FMN2: variants seen among roughly 807,000 people sequenced by gnomAD.
FMN2 encodes formin-2.
In FMN2, 51 loss-of-function variants were observed where a neutral mutation model predicts 142.3. That is an observed-to-expected ratio of 0.36 (90% CI 0.29 to 0.45). FMN2 has a LOEUF of 0.45. Ranked by LOEUF, FMN2 falls within the 20% of genes least tolerant of loss-of-function variation. FMN2 has a pLI of 1.00. For missense variants in FMN2, 1,936 were observed against 2,122.8 expected (o/e 0.91, Z 1.73); for synonymous variants, 882 against 869.8 (o/e 1.01, Z -0.25).
At chr1:240,323,351 C>T (rs553380613) in intron 8 of FMN2, among the ~76,000 whole-genome samples, 14 of 152,054 alleles carry the variant, frequency 9.2e-5, no homozygotes, top group Admixed American at 2.0e-4. Context: ...TCTGCCACCA[C>T]GCCCGGCTAA....
intron 7 of FMN2, among the ~76,000 whole-genome samples, chr1:240,293,391 A>G (rs1669857401): frequency 6.6e-6 from 1 of 152,136 alleles, no homozygotes; most frequent in African/African-American, 2.4e-5. Flanking sequence ...ATGAATTCCA[A>G]AATCAGAAAC....
At chr1:240,394,375 G>A (rs889215165) in intron 15 of FMN2, among the ~76,000 whole-genome samples, 11 of 152,106 alleles carry the variant, frequency 7.2e-5, no homozygotes, top group African/African-American at 2.4e-4. Flanking sequence ...TCCAGAGCAG[G>A]GCCCTAACTC....
intron 2 of FMN2, among the ~76,000 whole-genome samples, chr1:240,157,828 T>G (rs1016150116): frequency 6.6e-6 from 1 of 152,000 alleles, no homozygotes; most frequent in Non-Finnish European, 1.5e-5. Context: ...AAACTTGGAA[T>G]TTTTATAAAT....
chr1:240,378,592 T>C (rs1269234525), intron 14 of FMN2, among the ~76,000 whole-genome samples: 1 of 152,248 alleles, frequency 6.6e-6, no homozygotes, highest in Non-Finnish European at 1.5e-5. Flanking sequence ...ACTAAAATGA[T>C]ACATTATGCT....
chr1:240,464,994 T>C (rs1385652815), intron 16 of FMN2, among the ~76,000 whole-genome samples: 1 of 152,292 alleles, frequency 6.6e-6, no homozygotes, highest in East Asian at 1.9e-4. Context: ...TGTAAGTTTT[T>C]TTCCTTTGAG....
At chr1:240,163,922 G>T (rs1297432418) in intron 2 of FMN2, among the ~76,000 whole-genome samples, 2 of 151,810 alleles carry the variant, frequency 1.3e-5, no homozygotes, top group African/African-American at 4.8e-5. Context: ...ACCCATGGTG[G>T]AGTGCGGTGG....
At chr1:240,115,908 G>T (rs767495870) in intron 1 of FMN2, among the ~76,000 whole-genome samples, 1 of 152,182 alleles carries the variant, frequency 6.6e-6, no homozygotes, top group Non-Finnish European at 1.5e-5. Context: ...TGGATTACTC[G>T]TGAGTTTTTT....
chr1:240,114,202 G>C (rs1259170892), intron 1 of FMN2, among the ~76,000 whole-genome samples: 1 of 152,056 alleles, frequency 6.6e-6, no homozygotes, highest in Admixed American at 6.5e-5. Context: ...TATCAAATAT[G>C]TATCTCAAAA....
chr1:240,170,632 A>T, intron 2 of FMN2: 1 of 1,577,254 alleles, frequency 6.3e-7, no homozygotes, highest in South Asian at 1.1e-5. Context: ...TGTGGCTGAT[A>T]TCTCTGTTGC....
At chr1:240,245,488 C>T (rs756033051) in intron 6 of FMN2, 4 of 470,458 alleles carry the variant, frequency 8.5e-6, no homozygotes, top group African/African-American at 6.0e-5. Flanking sequence ...CAAAGGTTCC[C>T]GTCCTGATGA....
chr1:240,134,868 T>A (rs1263571899), intron 2 of FMN2, among the ~76,000 whole-genome samples: 1 of 152,170 alleles, frequency 6.6e-6, no homozygotes, highest in Non-Finnish European at 1.5e-5. Flanking sequence ...CCCCACATCT[T>A]TCTGGATGGA....
intron 3 of FMN2, among the ~76,000 whole-genome samples, chr1:240,179,920 T>G (rs1451790269): frequency 6.6e-6 from 1 of 152,188 alleles, no homozygotes; most frequent in Non-Finnish European, 1.5e-5. Context: ...TTCTTAAATT[T>G]TAGGGAACTT....
At chr1:240,341,427 G>A (rs1357555386) in intron 13 of FMN2, 1 of 151,932 alleles carries the variant, frequency 6.6e-6, no homozygotes, top group Admixed American at 6.6e-5. Flanking sequence ...AGATTGAACT[G>A]CTCGTTCTAT....
chr1:240,156,657 C>A (rs182604326), intron 2 of FMN2, among the ~76,000 whole-genome samples: 85 of 152,144 alleles, frequency 5.6e-4, no homozygotes, highest in South Asian at 1.0e-3. Flanking sequence ...CCTAGTTGGC[C>A]CTAGGATGGT....
At chr1:240,120,168 T>C (rs538697384) in intron 1 of FMN2, among the ~76,000 whole-genome samples, 228 of 152,338 alleles carry the variant, frequency 1.5e-3, no homozygotes, top group Non-Finnish European at 2.9e-3. Context: ...TTTTGTTTTA[T>C]AGACAGAAAT....
At chr1:240,220,882 G>A (rs574533049) in intron 6 of FMN2, among the ~76,000 whole-genome samples, 3 of 151,594 alleles carry the variant, frequency 2.0e-5, no homozygotes, top group South Asian at 2.1e-4. Flanking sequence ...CCCACCCCAC[G>A]ACAGGCCCCG....
intron 2 of FMN2, among the ~76,000 whole-genome samples, chr1:240,174,950 A>G (rs1481680162): frequency 6.6e-6 from 1 of 152,166 alleles, no homozygotes; most frequent in Non-Finnish European, 1.5e-5. Context: ...TGCAAAACTG[A>G]AAGTCTGTAC....
intron 16 of FMN2, among the ~76,000 whole-genome samples, chr1:240,452,140 G>A (rs61829251): frequency 4.6e-5 from 7 of 151,542 alleles, no homozygotes; most frequent in Non-Finnish European, 7.4e-5. Flanking sequence ...GCAGTGAGCC[G>A]AGATCACACC....
rs1445677659 is a variant in FMN2 at position 240,103,785 on chromosome 1, CG to C, written c.1615+10063del. Among the ~76,000 whole-genome samples the C allele has an allele frequency of 3.3e-5, 5 of 152,104 alleles. No homozygotes were observed. The East Asian group carries it at 9.7e-4, about 29-fold the overall frequency. On this transcript the variant is annotated intron_variant, in intron 1 of 17. Coordinates refer to ENST00000319653, the MANE Select transcript of FMN2 (RefSeq NM_020066.5). Reference sequence around the variant, plus strand: ...TTAACATACAAACTTGAATGGGTTCCGGTATAGAAACATGTCATTGGTCCCC... The same window carrying C: ...TTAACATACAAACTTGAATGGGTTCCGTATAGAAACATGTCATTGGTCCCC...
Sources: gnomAD v4.1 joint callset for allele counts (sites outside exome capture counted in the v4.1 genomes callset) on GRCh38, gnomAD v4.1.1 for gene constraint, MANE v1.5 for transcripts, NCBI Gene and HGNC (gene_info 2026-07-23, HGNC 2026-07-21) for gene names.